The following SEMA6A variants were observed in gnomAD, a reference collection of about 807,000 sequenced individuals.
The protein encoded by SEMA6A is semaphorin 6A.
In SEMA6A, 25 loss-of-function variants were observed where a neutral mutation model predicts 96.8. That is an observed-to-expected ratio of 0.26 (90% CI 0.19 to 0.36). The LOEUF is 0.36. Ranked by LOEUF, SEMA6A falls within the 10% of genes least tolerant of loss-of-function variation. The pLI, the probability that SEMA6A is intolerant of heterozygous loss-of-function variation, is 1.00. For missense variants in SEMA6A, 1,363 were observed against 1,323.1 expected (o/e 1.03, Z -0.47); for synonymous variants, 612 against 518.0 (o/e 1.18, Z -2.46).
chr5:116,473,843 C>A (rs930293763), intron 16 of SEMA6A, among the ~76,000 whole-genome samples: 4 of 152,204 alleles, frequency 2.6e-5, no homozygotes, highest in African/African-American at 9.6e-5. Flanking sequence ...CAAAGGCAGG[C>A]AGGCAGAGGG....
chr5:116,573,875 C>G (rs1032990672), intron 1 of SEMA6A, among the ~76,000 whole-genome samples: 4 of 152,042 alleles, frequency 2.6e-5, no homozygotes, highest in Non-Finnish European at 5.9e-5. Flanking sequence ...GTCTCGCACA[C>G]ACACCCCCAG....
intron 2 of SEMA6A, chr5:116,502,780 G>C: frequency 6.3e-6 from 1 of 158,312 alleles, no homozygotes; most frequent in Non-Finnish European, 1.4e-5. Context: ...CTGGAGGCGA[G>C]AGCCCTTGTC....
At chr5:116,450,738 A>G (rs1398389494) in intron 18 of SEMA6A, among the ~76,000 whole-genome samples, 1 of 152,184 alleles carries the variant, frequency 6.6e-6, no homozygotes, top group Non-Finnish European at 1.5e-5. Context: ...GAGTGGCCTT[A>G]AAAACATTTT....
At chr5:116,466,457 G>A (rs1456396184) in intron 18 of SEMA6A, among the ~76,000 whole-genome samples, 2 of 151,868 alleles carry the variant, frequency 1.3e-5, no homozygotes, top group African/African-American at 4.8e-5. Context: ...TCAGTTAAGA[G>A]GACACGCTCA....
chr5:116,494,290 T>G (rs1286822410), intron 6 of SEMA6A, among the ~76,000 whole-genome samples: 2 of 152,220 alleles, frequency 1.3e-5, no homozygotes, highest in African/African-American at 4.8e-5. Context: ...GGAATGCTTT[T>G]CTTCCTTCAT....
At chr5:116,448,193 A>AAAAG (rs1160860309) in intron 18 of SEMA6A, among the ~76,000 whole-genome samples, 1 of 96,634 alleles carries the variant, frequency 1.0e-5, no homozygotes, top group African/African-American at 3.1e-5. Flanking sequence ...AAAAAAAAAA[A>AAAAG]AAATTAGCCA....
At chr5:116,494,837 C>T (rs1757505938) in intron 6 of SEMA6A, among the ~76,000 whole-genome samples, 1 of 152,216 alleles carries the variant, frequency 6.6e-6, no homozygotes, top group South Asian at 2.1e-4. Flanking sequence ...GGTCCCTGCT[C>T]CTTCATCAGC....
At chr5:116,485,341 G>GC (rs1201796510) in intron 10 of SEMA6A, among the ~76,000 whole-genome samples, 1 of 152,174 alleles carries the variant, frequency 6.6e-6, no homozygotes, top group East Asian at 1.9e-4. Context: ...GATTCCGGTA[G>GC]CCCCTGCATT....
At chr5:116,504,252 T>C (rs1758035650) in intron 2 of SEMA6A, among the ~76,000 whole-genome samples, 1 of 152,142 alleles carries the variant, frequency 6.6e-6, no homozygotes, top group Non-Finnish European at 1.5e-5. Context: ...ATCCAACACA[T>C]AGGCAGGACT....
intron 1 of SEMA6A, among the ~76,000 whole-genome samples, chr5:116,560,267 A>G (rs1257687203): frequency 6.6e-6 from 1 of 152,210 alleles, no homozygotes; most frequent in African/African-American, 2.4e-5. Context: ...CATTTGGGAC[A>G]GAGAATAGTC....
In SEMA6A at chr5:116,497,308, T is replaced by C. The variant is rs201756138; in HGVS notation, c.279+19A>G. On this transcript the variant is annotated intron_variant, in intron 4 of 18. Coordinates refer to ENST00000343348, the MANE Select transcript of SEMA6A (RefSeq NM_020796.5). ...CCAAAGGTCCTTCATTTTACAAATATAGTTTTAAAACAACTTACTTTGCTA... is the reference window on the plus strand; with the variant it reads ...CCAAAGGTCCTTCATTTTACAAATACAGTTTTAAAACAACTTACTTTGCTA... 5.5e-5 allele frequency: 82 copies of C among 1,488,630 alleles called. No individual in the cohort carries two copies. Among genetic ancestry groups the C allele is most frequent in the Non-Finnish European group, 7.2e-5 (77 of 1,069,886 alleles). The allele number at this position is 1,488,630 out of a possible 1,614,324, so 92.2% of individuals were successfully genotyped here. A position where few individuals can be genotyped will look rare whatever the true frequency, so the allele number is the denominator to read the frequency against.
chr5:116,479,677 A>G (rs1245744166), intron 12 of SEMA6A, among the ~76,000 whole-genome samples: 1 of 152,188 alleles, frequency 6.6e-6, no homozygotes, highest in Admixed American at 6.5e-5. Context: ...ATATTAAACT[A>G]TGAATCCTTC....
intron 1 of SEMA6A, among the ~76,000 whole-genome samples, chr5:116,508,473 G>C (rs1758250151): frequency 6.6e-6 from 1 of 152,082 alleles, no homozygotes; most frequent in Non-Finnish European, 1.5e-5. Context: ...CATGACAAGT[G>C]GACCCAGCCA....
chr5:116,563,071 G>A, intron 1 of SEMA6A: 2 of 402,464 alleles, frequency 5.0e-6, no homozygotes, highest in Non-Finnish European at 9.7e-6. Flanking sequence ...AAAAACAAAG[G>A]CCCAATTCTC....
chr5:116,554,341 T>G (rs938329884), intron 1 of SEMA6A, among the ~76,000 whole-genome samples: 2 of 152,158 alleles, frequency 1.3e-5, no homozygotes, highest in Non-Finnish European at 2.9e-5. Context: ...CAAACTTAAT[T>G]GTATCCTGTA....
chr5:116,493,002 C>G (rs754973346), intron 6 of SEMA6A, among the ~76,000 whole-genome samples: 3 of 152,210 alleles, frequency 2.0e-5, no homozygotes, highest in Admixed American at 2.0e-4. Flanking sequence ...AGGGTTCTTA[C>G]TACCATTCAC....
chr5:116,498,865 A>G (rs1413433412), intron 3 of SEMA6A: 1 of 152,194 alleles, frequency 6.6e-6, no homozygotes, highest in African/African-American at 2.4e-5. Context: ...TTTGAGCTGA[A>G]CATATGAATT....
chr5:116,482,316 G>T, intron 11 of SEMA6A, 128 bp downstream of exon 11: 1 of 993,216 alleles, frequency 1.0e-6, no homozygotes, highest in South Asian at 1.7e-5. Flanking sequence ...TTTGGTTAAT[G>T]AGATGAAGGC....
At chr5:116,486,299 C>T (rs1002117161) in intron 10 of SEMA6A, among the ~76,000 whole-genome samples, 9 of 152,166 alleles carry the variant, frequency 5.9e-5, no homozygotes, top group African/African-American at 2.2e-4. Context: ...TATTAAAAGT[C>T]AAATACTGCA....
Sources: allele counts gnomAD v4.1 joint callset (sites outside exome capture counted in the v4.1 genomes callset), GRCh38; gene constraint gnomAD v4.1.1; transcripts MANE v1.5; gene names NCBI Gene and HGNC (gene_info 2026-07-23, HGNC 2026-07-21).